LRRC34: variants seen among roughly 807,000 people sequenced by gnomAD.
LRRC34 encodes the protein leucine rich repeat containing 34, also known as leucine-rich repeat-containing protein 34.
LRRC34 carries 44 observed loss-of-function variants against 48.5 expected under a neutral mutation model. That is an observed-to-expected ratio of 0.91 (90% CI 0.71 to 1.17). LRRC34 has a LOEUF of 1.17. LRRC34 is among the 50% of genes most tolerant of loss of function. The pLI is 0.00. For missense variants in LRRC34, 502 were observed against 563.0 expected, an observed-to-expected ratio of 0.89 and a Z score of 1.10; for synonymous variants, 192 against 197.6, an observed-to-expected ratio of 0.97 and a Z score of 0.24.
chr3:169,796,614 G>T (rs1778998474), intron 8 of LRRC34, 131 bp downstream of exon 8: 1 of 1,030,432 alleles, frequency 9.7e-7, no homozygotes, highest in East Asian at 2.8e-5. Context: ...TAGGACAAAG[G>T]ATTGACAATT....
At chr3:169,811,317 G>A (rs539093910) in intron 1 of LRRC34, among the ~76,000 whole-genome samples, 1 of 152,306 alleles carries the variant, frequency 6.6e-6, no homozygotes, top group South Asian at 2.1e-4. Flanking sequence ...CTTAGACTAC[G>A]AGCTAAATAC....
At chr3:169,809,827 G>A (rs1017634435) in intron 1 of LRRC34, among the ~76,000 whole-genome samples, 1 of 152,034 alleles carries the variant, frequency 6.6e-6, no homozygotes, top group Non-Finnish European at 1.5e-5. Context: ...TTTGCTAAAC[G>A]GATCTGCAGA....
chr3:169,803,313 C>G (rs1051908889), intron 6 of LRRC34, among the ~76,000 whole-genome samples: 1 of 152,192 alleles, frequency 6.6e-6, no homozygotes, highest in African/African-American at 2.4e-5. Context: ...CTCCTGGGCT[C>G]AAGAGATTCT....
At position 169,810,975 on chromosome 3, in the gene LRRC34, A is replaced by G. The variant is rs114362276; in HGVS notation, c.139+1435T>C. On this transcript the variant is annotated intron_variant, in intron 1 of 10. Transcript: ENST00000446859. ...GCTACTTCGGAGGCTGAGGCGACAG[A>G]ATCGCTTGAATGCGGGAGGTGGAGG... 8.7e-3 allele frequency among the ~76,000 whole-genome samples: 1,330 copies of G among 152,344 alleles called. 16 individuals are homozygous for G. Among genetic ancestry groups the G allele is most frequent in the African/African-American group, 0.03 (1,250 of 41,588 alleles).
At chr3:169,799,745 C>T (rs1298640242) in intron 7 of LRRC34, among the ~76,000 whole-genome samples, 2 of 152,220 alleles carry the variant, frequency 1.3e-5, no homozygotes. Context: ...TGAAGTCTCG[C>T]TCTGTCGCCC....
At chr3:169,805,876 C>G (rs1011516250) in intron 5 of LRRC34, among the ~76,000 whole-genome samples, 2 of 134,510 alleles carry the variant, frequency 1.5e-5, no homozygotes, top group Admixed American at 7.4e-5. Flanking sequence ...AAGAGCAAAA[C>G]TCCATCTCAA....
Position 169,812,752 on chromosome 3 carries a change from T to C in LRRC34, c.-204A>G, listed in dbSNP as rs1779648655. The C allele has an allele frequency of 3.0e-6, 2 of 674,028 alleles. No homozygotes were observed. The highest frequency in any genetic ancestry group is 3.4e-5 in the East Asian group (1 of 28,996). The allele number at this position is 674,028 out of a possible 1,614,324, so 41.8% of individuals were successfully genotyped here. A position where few individuals can be genotyped will look rare whatever the true frequency, so the allele number is the denominator to read the frequency against. ...CCTGAGGGAGGGCGTCCTGGCTCCTTTGCAGGGAGGAGTTCCCGAGGTTTG... is the reference window on the plus strand; with the variant it reads ...CCTGAGGGAGGGCGTCCTGGCTCCTCTGCAGGGAGGAGTTCCCGAGGTTTG... On this transcript the variant is annotated 5_prime_UTR_variant, in exon 1 of 11. Transcript: ENST00000446859. This position sits in a 1 kb window ranked among gnomAD's most constrained non-coding sequence, Gnocchi z 4.3.
chr3:169,795,655 A>G (rs1778959801), intron 9 of LRRC34, 44 bp from the exon 10 acceptor site: 1 of 1,586,932 alleles, frequency 6.3e-7, no homozygotes, highest in Non-Finnish European at 8.6e-7. Context: ...AAAATTAGCA[A>G]CATTTATTAC....
chr3:169,811,710 C>A (rs1779576652), intron 1 of LRRC34, among the ~76,000 whole-genome samples: 1 of 152,190 alleles, frequency 6.6e-6, no homozygotes, highest in Admixed American at 6.5e-5. Context: ...AAGCGATAAG[C>A]ATGAGTCAGA....
At position 169,796,178 on chromosome 3, in the gene LRRC34, T is replaced by A. The variant is rs766689776; in HGVS notation, c.1064+36A>T. Reference sequence around the variant, plus strand: ...GAGGTTAGTATTTAAAAATTTGCTTTTCTGTTATTTTGATTAAATATAAAA... The same window carrying A: ...GAGGTTAGTATTTAAAAATTTGCTTATCTGTTATTTTGATTAAATATAAAA... On this transcript the variant is annotated intron_variant, in intron 9 of 10. Coordinates refer to ENST00000446859, the MANE Select transcript of LRRC34 (RefSeq NM_001172779.2). The A allele has an allele frequency of 5.8e-6, 9 of 1,554,020 alleles. No individual in the cohort carries two copies. In the Admixed American group the frequency reaches 1.8e-4, roughly 31 times the overall value.
chr3:169,795,191 T>G (rs1778945005), intron 10 of LRRC34: 1 of 171,604 alleles, frequency 5.8e-6, no homozygotes, highest in Non-Finnish European at 1.2e-5. Context: ...GGTATAATTA[T>G]TAGGGAGCAG....
At position 169,796,876 on chromosome 3, in the gene LRRC34, G is replaced by A; in HGVS notation, c.777C>T (p.Gly259=). ...GACAGTGATTTTCTTTCAACATGCGGCCTACATGGACTGTAGACTCTTCCT... is the reference window on the plus strand; with the variant it reads ...GACAGTGATTTTCTTTCAACATGCGACCTACATGGACTGTAGACTCTTCCT... ...SEQEESTVHV[G]RMLKENHCLV... is the part of the protein sequence containing the mutation. Residue 259 remains glycine (G), a synonymous_variant, in exon 8 of 11, where the codon GGC becomes GGT. Coordinates refer to ENST00000446859, the MANE Select transcript of LRRC34 (RefSeq NM_001172779.2). The A allele has an allele frequency of 1.2e-6, 2 of 1,605,370 alleles. No homozygotes were observed. The highest frequency in any genetic ancestry group is 1.7e-6 in the Non-Finnish European group (2 of 1,175,952).
Position 169,795,612 on chromosome 3 carries a change from C to G in LRRC34, c.1065-1G>C, listed in dbSNP as rs748213155. 12 of 1,606,464 alleles carry G rather than the reference C, an allele frequency of 7.5e-6. 1 individual carries two copies. Among genetic ancestry groups the G allele is most frequent in the Middle Eastern group, 1.7e-4 (1 of 6,042 alleles). On this transcript the variant is annotated splice_acceptor_variant, in intron 9 of 10. Transcript: ENST00000446859. LOFTEE classifies it high-confidence loss of function. ...TATGTTGTTGCTGACTACTGACAAC[C>G]TGAAACCAATAATTCCACAAGGAAA...
Position 169,812,654 on chromosome 3 carries a change from G to A in LRRC34, c.-106C>T. 1.1e-5 allele frequency: 15 copies of A among 1,379,788 alleles called. No individual in the cohort carries two copies. The highest frequency in any genetic ancestry group is 1.4e-5 in the Non-Finnish European group (15 of 1,066,426). The allele number at this position is 1,379,788 out of a possible 1,614,324, so 85.5% of individuals were successfully genotyped here. A position where few individuals can be genotyped will look rare whatever the true frequency, so the allele number is the denominator to read the frequency against. Reference sequence around the variant, plus strand: ...CGCTGGCTGTGCCTGCCCGGGCCCTGAGGCCTCACTGCTAAGGCAGTGACC... The same window carrying A: ...CGCTGGCTGTGCCTGCCCGGGCCCTAAGGCCTCACTGCTAAGGCAGTGACC... On this transcript the variant is annotated 5_prime_UTR_variant, in exon 1 of 11. Coordinates refer to ENST00000446859, the MANE Select transcript of LRRC34 (RefSeq NM_001172779.2). The surrounding 1 kb of genome is among the most constrained non-coding windows in gnomAD (Gnocchi z 4.3).
At chr3:169,799,344 C>T (rs1204388078) in intron 7 of LRRC34, among the ~76,000 whole-genome samples, 1 of 152,182 alleles carries the variant, frequency 6.6e-6, no homozygotes, top group Non-Finnish European at 1.5e-5. Context: ...ATCTAAAGTG[C>T]TTTAATCATT....
chr3:169,804,288 G>A, intron 5 of LRRC34, 107 bp from the exon 6 acceptor site: 1 of 876,202 alleles, frequency 1.1e-6, no homozygotes, highest in East Asian at 3.0e-5. Flanking sequence ...TTTTCATGGA[G>A]CTAGAACACG....
At chr3:169,800,543 T>C in intron 7 of LRRC34, 116 bp downstream of exon 7, 1 of 513,108 alleles carries the variant, frequency 1.9e-6, no homozygotes, top group Admixed American at 3.7e-5. Flanking sequence ...GTTTACAAGA[T>C]ATAGTAAGTA....
At chr3:169,804,866 A>T (rs1779320420) in intron 5 of LRRC34, among the ~76,000 whole-genome samples, 1 of 152,228 alleles carries the variant, frequency 6.6e-6, no homozygotes, top group Non-Finnish European at 1.5e-5. Flanking sequence ...GTACATTCAC[A>T]ATATTGCACA....
intron 5 of LRRC34, among the ~76,000 whole-genome samples, chr3:169,806,447 C>A (rs568801983): frequency 2.6e-5 from 4 of 151,926 alleles, no homozygotes; most frequent in African/African-American, 9.7e-5. Context: ...CATAGAGAGA[C>A]GAAGTAGGTT....
Sources: allele counts gnomAD v4.1 joint callset (sites outside exome capture counted in the v4.1 genomes callset), GRCh38; gene constraint gnomAD v4.1.1; non-coding constraint Gnocchi (gnomAD v3.1); transcripts MANE v1.5; gene names NCBI Gene and HGNC (gene_info 2026-07-23, HGNC 2026-07-21).